Variants in EFHB observed in about 807,000 individuals in gnomAD.
EFHB encodes EF-hand domain family member B, also known as EF-hand domain-containing family member B.
Under a neutral mutation model 87.2 loss-of-function variants are expected in EFHB, and 91 were observed. The ratio of observed to expected loss-of-function variants is 1.04; its 90% confidence interval spans 0.88 to 1.24. The LOEUF is 1.24. Among genes scored for constraint, EFHB ranks in the 50% most tolerant of loss-of-function variants. The pLI, the probability that EFHB is intolerant of heterozygous loss-of-function variation, is 0.00. For synonymous variants in EFHB, 325 were observed against 333.6 expected, an observed-to-expected ratio of 0.97 and a Z score of 0.28; for missense variants, 1,084 against 998.8, an observed-to-expected ratio of 1.09 and a Z score of -1.15.
chr3:19,934,185 C>A lies in EFHB; in HGVS notation c.-167G>T. On this transcript the variant is annotated 5_prime_UTR_variant, in exon 1 of 13. In the 5' UTR this introduces an upstream ATG that the reference lacks. Coordinates refer to ENST00000295824, the MANE Select transcript of EFHB (RefSeq NM_144715.4). ...TTGCTTCCTGCCTGCCTCTTAACACCTAGCCGAGTTCACAGAGGAAAAGAT... is the reference window on the plus strand; with the variant it reads ...TTGCTTCCTGCCTGCCTCTTAACACATAGCCGAGTTCACAGAGGAAAAGAT... The A allele has an allele frequency of 6.9e-7, 1 of 1,441,208 alleles. No individual in the cohort carries two copies. The highest frequency in any genetic ancestry group is 9.0e-7 in the Non-Finnish European group (1 of 1,105,646). 89.3% of individuals were successfully genotyped at this position (1,441,208 alleles called of 1,614,324 possible). A position where few individuals can be genotyped will look rare whatever the true frequency, so the allele number is the denominator to read the frequency against.
chr3:19,897,280 C>T (rs1233764766), intron 8 of EFHB, among the ~76,000 whole-genome samples: 1 of 152,192 alleles, frequency 6.6e-6, no homozygotes, highest in Non-Finnish European at 1.5e-5. Context: ...AATTATCTAC[C>T]CTCTCCTATG....
At chr3:19,914,484 G>A (rs373918021) in intron 5 of EFHB, among the ~76,000 whole-genome samples, 13 of 151,992 alleles carry the variant, frequency 8.6e-5, no homozygotes, top group African/African-American at 3.1e-4. Context: ...ATTGTGCTAT[G>A]GAATAATTCT....
intron 1 of EFHB, among the ~76,000 whole-genome samples, chr3:19,926,862 G>T (rs1695648966): frequency 6.6e-6 from 1 of 150,524 alleles, no homozygotes; most frequent in African/African-American, 2.4e-5. Context: ...GTTTCTCTAT[G>T]TTGGTCAGGC....
At chr3:19,919,474 T>C (rs567540587) in intron 3 of EFHB, among the ~76,000 whole-genome samples, 48 of 152,256 alleles carry the variant, frequency 3.2e-4, no homozygotes, top group African/African-American at 1.1e-3. Flanking sequence ...CCCAAAGTGC[T>C]GGGATTACAG....
At position 19,896,820 on chromosome 3, in the gene EFHB, T is replaced by G. The variant is rs761068516; in HGVS notation, c.1592A>C (p.Asn531Thr). 1 of 1,613,444 alleles carries G rather than the reference T, an allele frequency of 6.2e-7. No individual in the cohort carries two copies. The highest frequency in any genetic ancestry group is 8.5e-7 in the Non-Finnish European group (1 of 1,179,470). ...EEYGVGDLIH[N>T]RLPDEYLRGK... ...TCGAAGATATTCATCCGGAAGTCTATTATGGATGAGATCACCAACTCCTAT... is the reference window on the plus strand; with the variant it reads ...TCGAAGATATTCATCCGGAAGTCTAGTATGGATGAGATCACCAACTCCTAT... Residue 531 changes from asparagine (N) to threonine (T), a missense_variant, in exon 9 of 13, where the codon AAT becomes ACT. Asn to Thr is a moderately conservative substitution (Grantham distance 65). Transcript: ENST00000295824.
At chr3:19,903,774 G>A (rs1694749398) in intron 6 of EFHB, among the ~76,000 whole-genome samples, 1 of 152,104 alleles carries the variant, frequency 6.6e-6, no homozygotes, top group African/African-American at 2.4e-5. Flanking sequence ...ATAAAGAGGT[G>A]ATCAAGAATA....
chr3:19,920,231 C>T (rs1293407422), intron 2 of EFHB, among the ~76,000 whole-genome samples: 1 of 152,048 alleles, frequency 6.6e-6, no homozygotes, highest in Non-Finnish European at 1.5e-5. Flanking sequence ...ATTTAGAAAA[C>T]AACCAGGAAG....
Position 19,882,014 on chromosome 3 carries a change from CAAAA to C in EFHB, c.2328+532_2328+535del, listed in dbSNP as rs1194840270. 1.2e-3 allele frequency among the ~76,000 whole-genome samples: 141 copies of C among 114,430 alleles called. 1 individual carries two copies. The highest frequency in any genetic ancestry group is 3.9e-3 in the African/African-American group (124 of 31,424). 75.1% of individuals were successfully genotyped at this position (114,430 alleles called of 152,430 possible). A position where few individuals can be genotyped will look rare whatever the true frequency, so the allele number is the denominator to read the frequency against. ...GATGTGGGCATCATGTTTTCTGAGT[CAAAA>C]ATAAATAAATAAATAAATAAATAAA... On this transcript the variant is annotated intron_variant, in intron 12 of 12. Coordinates refer to ENST00000295824, the MANE Select transcript of EFHB (RefSeq NM_144715.4).
chr3:19,882,619 T>C lies in EFHB; in HGVS notation c.2259A>G (p.Leu753=). Residue 753 remains leucine, a synonymous_variant, in exon 12 of 13, where the codon CTA becomes CTG. Coordinates refer to ENST00000295824, the MANE Select transcript of EFHB (RefSeq NM_144715.4). ...YGEEGSAYSL[L]YPTIFARKGV... ...CTTTCCGGGCAAAAATGGTAGGATA[T>C]AGTAGTGAATATGCACTACCTTCTT... 16 of 1,613,304 alleles carry C rather than the reference T, an allele frequency of 9.9e-6. No homozygotes were observed. The highest frequency in any genetic ancestry group is 1.3e-5 in the Non-Finnish European group (15 of 1,179,548).
intron 6 of EFHB, among the ~76,000 whole-genome samples, chr3:19,900,216 C>T (rs1433356440): frequency 6.6e-6 from 1 of 151,934 alleles, no homozygotes; most frequent in African/African-American, 2.4e-5. Flanking sequence ...GAATTTGAGA[C>T]GAGCCTGGGT....
chr3:19,895,553 T>C (rs978712414), intron 9 of EFHB, among the ~76,000 whole-genome samples: 1 of 152,144 alleles, frequency 6.6e-6, no homozygotes, highest in Non-Finnish European at 1.5e-5. Flanking sequence ...TCATCTTTCC[T>C]TTAATTACAT....
intron 9 of EFHB, among the ~76,000 whole-genome samples, chr3:19,891,648 G>C (rs1396258683): frequency 6.6e-6 from 1 of 152,176 alleles, no homozygotes. Context: ...TAAAATAGCA[G>C]ATTAAAGACA....
At chr3:19,923,171 G>A (rs772731695) in intron 1 of EFHB, among the ~76,000 whole-genome samples, 10 of 152,138 alleles carry the variant, frequency 6.6e-5, no homozygotes, top group Non-Finnish European at 1.2e-4. Context: ...GGAGGCCCAG[G>A]CAGGAGAATC....
chr3:19,933,377 C>G lies in EFHB; in HGVS notation c.642G>C (p.Leu214Phe). The G allele has an allele frequency of 6.2e-7, 1 of 1,613,982 alleles. No homozygotes were observed. Among genetic ancestry groups the G allele is most frequent in the South Asian group, 1.1e-5 (1 of 91,086 alleles). ...ETKNTEPQMG[L>F]VIEPPQCQFA... is the part of the protein sequence containing the mutation. ...ACTGGCATTGGGGAGGTTCTATCAC[C>G]AAGCCCATTTGGGGCTCTGTATTCT... The change falls in exon 1 of 13, where the codon TTG becomes TTC. Residue 214 changes from leucine (L) to phenylalanine (F), a missense_variant. Transcript: ENST00000295824.
At position 19,902,401 on chromosome 3, in the gene EFHB, C is replaced by G. The variant is rs1694701986; in HGVS notation, c.1419-2886G>C. 3.9e-5 allele frequency among the ~76,000 whole-genome samples: 6 copies of G among 152,160 alleles called. No individual in the cohort carries two copies. In the South Asian group the frequency reaches 1.2e-3, roughly 31 times the overall value. ...ACAGAGTCTTGCTCTGTCACCCAGG[C>G]TGGAGTGCAATGGCGCCATCTCAGC... On this transcript the variant is annotated intron_variant, in intron 6 of 12. Transcript: ENST00000295824.
At position 19,896,800 on chromosome 3, in the gene EFHB, G is replaced by C. The variant is rs1694501746; in HGVS notation, c.1612C>G (p.Leu538Val). 1.2e-6 allele frequency: 2 copies of C among 1,613,814 alleles called. No homozygotes were observed. The highest frequency in any genetic ancestry group is 1.7e-5 in the Admixed American group (1 of 59,970). Reference sequence around the variant, plus strand: ...GCTCGCTGTCTATCCTTGCCTCGAAGATATTCATCCGGAAGTCTATTATGG... The same window carrying C: ...GCTCGCTGTCTATCCTTGCCTCGAACATATTCATCCGGAAGTCTATTATGG... ...LIHNRLPDEYLRGKDRQRALI... is the reference protein window; with the variant it reads ...LIHNRLPDEYVRGKDRQRALI... Residue 538 changes from leucine (L) to valine (V), a missense_variant, in exon 9 of 13, where the codon CTT (leucine) becomes GTT (valine). Leu to Val is a conservative substitution (Grantham distance 32). Coordinates refer to ENST00000295824, the MANE Select transcript of EFHB (RefSeq NM_144715.4).
At chr3:19,886,120 T>C (rs1389105003) in intron 10 of EFHB, among the ~76,000 whole-genome samples, 1 of 152,206 alleles carries the variant, frequency 6.6e-6, no homozygotes, top group African/African-American at 2.4e-5. Context: ...AAGCTTTTGC[T>C]TTCTACCACT....
intron 4 of EFHB, among the ~76,000 whole-genome samples, chr3:19,915,757 T>TGAA (rs1053444766): frequency 1.4e-5 from 2 of 141,346 alleles, no homozygotes; most frequent in Non-Finnish European, 3.1e-5. Flanking sequence ...CCATTTCTAC[T>TGAA]AAAAAAAAAA....
intron 1 of EFHB, among the ~76,000 whole-genome samples, chr3:19,945,133 C>A (rs899069139): frequency 6.6e-6 from 1 of 152,072 alleles, no homozygotes; most frequent in Non-Finnish European, 1.5e-5. Context: ...TGATAGTGTT[C>A]CATGTGGAGA....
Sources: gnomAD v4.1 joint callset for allele counts (sites outside exome capture counted in the v4.1 genomes callset) on GRCh38, gnomAD v4.1.1 for gene constraint, MANE v1.5 for transcripts, NCBI Gene and HGNC (gene_info 2026-07-23, HGNC 2026-07-21) for gene names.